The following PACRGL variants were observed in gnomAD, a reference collection of about 807,000 sequenced individuals.
PACRGL encodes parkin coregulated like.
A neutral mutation model predicts 34.5 loss-of-function variants in PACRGL; 38 were observed. The ratio of observed to expected loss-of-function variants is 1.10; its 90% CI spans 0.85 to 1.44. The LOEUF (loss-of-function observed/expected upper bound fraction) is 1.44, where lower values mean the gene tolerates loss of function less well. PACRGL is among the 40% of genes most tolerant of loss of function. The probability of loss-of-function intolerance (pLI) is 0.00; values close to 1 mark genes in which losing one functional copy is unlikely to be tolerated. For missense variants in PACRGL, 305 were observed against 281.4 expected, an observed-to-expected ratio of 1.08 and a Z score of -0.60; for synonymous variants, 128 against 100.1, an observed-to-expected ratio of 1.28 and a Z score of -1.66.
upstream of PACRGL, among the ~76,000 whole-genome samples, chr4:20,697,302 A>G (rs1731282421): frequency 6.6e-6 from 1 of 152,254 alleles, no homozygotes; most frequent in African/African-American, 2.4e-5. Flanking sequence ...TTGTACAAAA[A>G]GGCAGAGATT....
At chr4:20,761,069 C>T in the PACRGL span, among the ~76,000 whole-genome samples, 1 of 152,100 alleles carries the variant, frequency 6.6e-6, no homozygotes, top group African/African-American at 2.4e-5. Context: ...GTGAGGGGGC[C>T]TCATTGAATC....
At chr4:20,707,677 TCAAC>T in intron 3 of PACRGL, 122 bp from the exon 4 acceptor site, 1 of 723,364 alleles carries the variant, frequency 1.4e-6, no homozygotes, top group Non-Finnish European at 2.5e-6. Context: ...ACAGTTTTTC[TCAAC>T]TGTGTTGCTG....
intron 3 of PACRGL, among the ~76,000 whole-genome samples, chr4:20,705,363 G>A (rs1734056014): frequency 6.6e-6 from 1 of 152,176 alleles, no homozygotes; most frequent in South Asian, 2.1e-4. Context: ...CTTTGGTAGG[G>A]TGAGATGTTA....
In PACRGL at chr4:20,729,479, T is replaced by TAAATGTTTAATAATTTTTAAATGTTTA. The variant is rs1560392061; in HGVS notation, c.*2142_*2168dup. The stretch of plus-strand genomic sequence containing the variant: ...TGATATCTGATAATAAACTAATTTT[T>TAAATGTTTAATAATTTTTAAATGTTTA]AAATGTTTAATAATTTTTAAATGTT... On this transcript the variant is annotated 3_prime_UTR_variant, in exon 9 of 9. Transcript: ENST00000503585. 2 of 118,400 alleles carry TAAATGTTTAATAATTTTTAAATGTTTA rather than the reference T, an allele frequency of 1.7e-5. No individual in the cohort carries two copies. Among genetic ancestry groups the TAAATGTTTAATAATTTTTAAATGTTTA allele is most frequent in the Non-Finnish European group, 3.6e-5 (2 of 56,166 alleles). 7.3% of individuals were successfully genotyped at this position (118,400 alleles called of 1,614,324 possible).
At chr4:20,722,283 G>A (rs1309025634) in intron 7 of PACRGL, among the ~76,000 whole-genome samples, 7 of 152,220 alleles carry the variant, frequency 4.6e-5, no homozygotes, top group East Asian at 1.9e-4. Context: ...CGGGTGAGGC[G>A]ATGCCTCGCC....
downstream of PACRGL, among the ~76,000 whole-genome samples, chr4:20,753,967 A>T (rs1325906314): frequency 1.3e-5 from 2 of 152,170 alleles, no homozygotes; most frequent in African/African-American, 4.8e-5. Context: ...CCTAGTGTAG[A>T]CAACATAAGT....
chr4:20,714,246 T>G (rs1240800661), intron 7 of PACRGL, among the ~76,000 whole-genome samples: 1 of 152,204 alleles, frequency 6.6e-6, no homozygotes, highest in East Asian at 1.9e-4. Flanking sequence ...CCTCTACCAT[T>G]ATGTAATGGC....
chr4:20,730,227 C>T lies in PACRGL; in HGVS notation c.*2886C>T. On this transcript the variant is annotated 3_prime_UTR_variant, in exon 9 of 9. Coordinates refer to ENST00000503585, the MANE Select transcript of PACRGL (RefSeq NM_001258345.3). Reference sequence around the variant, plus strand: ...TATTGCCTCCTCCCATCAACCACCTCAACCACCTATGCCAAAAGCTCAAAT... The same window carrying T: ...TATTGCCTCCTCCCATCAACCACCTTAACCACCTATGCCAAAAGCTCAAAT... The T allele has an allele frequency of 7.1e-7, 1 of 1,401,164 alleles. No homozygotes were observed. The highest frequency in any genetic ancestry group is 1.6e-5 in the South Asian group (1 of 63,908). 86.8% of individuals were successfully genotyped at this position (1,401,164 alleles called of 1,614,324 possible). A position where few individuals can be genotyped will look rare whatever the true frequency, so the allele number is the denominator to read the frequency against.
chr4:20,739,713 C>A (rs1273286165), intron 8 of PACRGL, among the ~76,000 whole-genome samples: 1 of 152,092 alleles, frequency 6.6e-6, no homozygotes, highest in African/African-American at 2.4e-5. Flanking sequence ...TCCTCGCCAG[C>A]AATGGAACAA....
intron 7 of PACRGL, among the ~76,000 whole-genome samples, chr4:20,714,595 C>T (rs907090422): frequency 6.6e-6 from 1 of 152,150 alleles, no homozygotes; most frequent in Admixed American, 6.6e-5. Flanking sequence ...TTCCTAGCCT[C>T]AGTGGTCTTT....
In PACRGL at chr4:20,704,648, GT is replaced by G. The variant is rs763340471; in HGVS notation, c.53-5del. ...TGTACCTGGTTTCTATTGATGTTCTGTTTTTTTCCAGGTAACTATGATCAAA... is the reference window on the plus strand; with the variant it reads ...TGTACCTGGTTTCTATTGATGTTCTGTTTTTTCCAGGTAACTATGATCAAA... On this transcript the variant is annotated splice_polypyrimidine_tract_variant and intron_variant, in intron 2 of 8. Coordinates refer to ENST00000503585, the MANE Select transcript of PACRGL (RefSeq NM_001258345.3). 2 of 1,613,734 alleles carry G rather than the reference GT, an allele frequency of 1.2e-6. No homozygotes were observed. Among genetic ancestry groups the G allele is most frequent in the East Asian group, 4.5e-5 (2 of 44,872 alleles).
chr4:20,724,161 T>C (rs1008272750), intron 7 of PACRGL, among the ~76,000 whole-genome samples: 1 of 152,204 alleles, frequency 6.6e-6, no homozygotes, highest in Non-Finnish European at 1.5e-5. Context: ...AAAGAGGGAA[T>C]AAATCACCTG....
At chr4:20,708,659 C>T (rs182178333) in intron 4 of PACRGL, among the ~76,000 whole-genome samples, 17 of 151,898 alleles carry the variant, frequency 1.1e-4, no homozygotes, top group African/African-American at 3.6e-4. Context: ...ATTAGAGAGA[C>T]GTCTTACTCT....
intron 8 of PACRGL, 50 bp from the exon 9 acceptor site, chr4:20,727,235 A>T: frequency 6.8e-7 from 1 of 1,473,062 alleles, no homozygotes; most frequent in Non-Finnish European, 9.5e-7. Context: ...AATACCTATT[A>T]GGGGAACTCT....
Position 20,708,965 on chromosome 4 carries a change from T to TAA in PACRGL, c.276-702_276-701dup, listed in dbSNP as rs35039845. Among the ~76,000 whole-genome samples the TAA allele has an allele frequency of 3.7e-3, 524 of 140,734 alleles. 4 individuals are homozygous for TAA. Among genetic ancestry groups the TAA allele is most frequent in the African/African-American group, 0.012 (458 of 38,184 alleles). The allele number at this position is 140,734 out of a possible 152,430, so 92.3% of individuals were successfully genotyped here. ...AACATGGAGGAACCCCATCTCTACTTAAAAAAAAAAAAAAAAATACAAAAT... is the reference window on the plus strand; with the variant it reads ...AACATGGAGGAACCCCATCTCTACTTAAAAAAAAAAAAAAAAAAATACAAAAT... On this transcript the variant is annotated intron_variant, in intron 4 of 8. Transcript: ENST00000503585.
intron 8 of PACRGL, among the ~76,000 whole-genome samples, chr4:20,747,889 C>T (rs1478710852): frequency 1.3e-5 from 2 of 152,190 alleles, no homozygotes; most frequent in Non-Finnish European, 2.9e-5. Context: ...AGCCATTTCA[C>T]CCAGATAGCT....
At chr4:20,744,868 T>C (rs1442754899) in intron 8 of PACRGL, among the ~76,000 whole-genome samples, 1 of 152,166 alleles carries the variant, frequency 6.6e-6, no homozygotes, top group Non-Finnish European at 1.5e-5. Flanking sequence ...AAATTTCCAT[T>C]TGGTGCTCCA....
the PACRGL span, among the ~76,000 whole-genome samples, chr4:20,764,334 T>G: frequency 2.0e-5 from 3 of 152,072 alleles, no homozygotes; most frequent in African/African-American, 7.2e-5. Context: ...TTAGGAAATA[T>G]CCTGAACATT....
intron 7 of PACRGL, among the ~76,000 whole-genome samples, chr4:20,723,420 GT>G (rs1018010892): frequency 6.6e-6 from 1 of 151,010 alleles, no homozygotes; most frequent in East Asian, 1.9e-4. Context: ...TTGGTTTTGG[GT>G]TTTTTTTGTT....
Sources: allele counts gnomAD v4.1 joint callset (sites outside exome capture counted in the v4.1 genomes callset), GRCh38; gene constraint gnomAD v4.1.1; transcripts MANE v1.5; gene names NCBI Gene and HGNC (gene_info 2026-07-23, HGNC 2026-07-21).